CNTNAP5: variants seen among roughly 807,000 people sequenced by gnomAD.
The protein encoded by CNTNAP5 is contactin associated protein family member 5, also known as contactin-associated protein-like 5.
In CNTNAP5, 72 loss-of-function variants were observed where a neutral mutation model predicts 150.2. That is an observed-to-expected ratio of 0.48 (90% CI 0.40 to 0.58). The LOEUF (loss-of-function observed/expected upper bound fraction) is 0.58, where lower values mean the gene tolerates loss of function less well. Ranked by LOEUF, CNTNAP5 falls within the 20% of genes least tolerant of loss-of-function variation. CNTNAP5 has a pLI of 0.00. For synonymous variants in CNTNAP5, 672 were observed against 619.8 expected (o/e 1.08, Z -1.25); for missense variants, 1,636 against 1,626.2 (o/e 1.01, Z -0.10).
intron 3 of CNTNAP5, among the ~76,000 whole-genome samples, chr2:124,388,004 GACATTTCAA>G (rs149156527): frequency 0.013 from 2,021 of 152,262 alleles, 45 homozygotes; most frequent in African/African-American, 0.046. Flanking sequence ...CTAAAGGGGT[GACATTTCAA>G]ACTAGCCACC....
chr2:124,580,903 T>C (rs1696396479), intron 11 of CNTNAP5, among the ~76,000 whole-genome samples: 1 of 152,194 alleles, frequency 6.6e-6, no homozygotes, highest in South Asian at 2.1e-4. Context: ...GGAATCTTTA[T>C]ACAGGGAGTG....
chr2:124,522,012 G>T (rs1694857245), intron 8 of CNTNAP5, among the ~76,000 whole-genome samples: 1 of 152,152 alleles, frequency 6.6e-6, no homozygotes. Flanking sequence ...GGATTGCAGT[G>T]ATCTGGCTTG....
intron 3 of CNTNAP5, among the ~76,000 whole-genome samples, chr2:124,381,492 G>A (rs1338155023): frequency 2.0e-5 from 3 of 152,064 alleles, no homozygotes; most frequent in African/African-American, 7.2e-5. Context: ...AAAGACTGAT[G>A]GGTGATTTCT....
At chr2:124,447,516 T>G (rs867571159) in intron 6 of CNTNAP5, among the ~76,000 whole-genome samples, 2 of 152,130 alleles carry the variant, frequency 1.3e-5, no homozygotes, top group Non-Finnish European at 2.9e-5. Context: ...TTGTTAGTAG[T>G]TCAGTTCAAG....
chr2:124,706,162 C>T (rs1242544551), intron 13 of CNTNAP5, among the ~76,000 whole-genome samples: 1 of 152,056 alleles, frequency 6.6e-6, no homozygotes, highest in African/African-American at 2.4e-5. Context: ...AGGGACTTAC[C>T]CAAAAGACGA....
At position 124,919,331 on chromosome 2, in the gene CNTNAP5, G is replaced by A. The variant is rs1282825458; in HGVS notation, c.*5043G>A. ...TTATTTTATCTTATTTTGCACTAAG[G>A]TACTCTGAGGAAGAACAGAAAAGCA... On this transcript the variant is annotated 3_prime_UTR_variant, in exon 24 of 24. Transcript: ENST00000682447. Among the ~76,000 whole-genome samples the A allele has an allele frequency of 1.3e-5, 2 of 151,978 alleles. No individual in the cohort carries two copies. Among genetic ancestry groups the A allele is most frequent in the African/African-American group, 2.4e-5 (1 of 41,384 alleles).
chr2:124,261,256 A>G (rs1687445739), intron 3 of CNTNAP5, among the ~76,000 whole-genome samples: 1 of 152,142 alleles, frequency 6.6e-6, no homozygotes, highest in African/African-American at 2.4e-5. Flanking sequence ...GATATCTAAA[A>G]ATATAAATAT....
intron 1 of CNTNAP5, among the ~76,000 whole-genome samples, chr2:124,176,939 G>T (rs1685081399): frequency 6.7e-6 from 1 of 149,182 alleles, no homozygotes; most frequent in South Asian, 2.1e-4. Flanking sequence ...CTGCCTCCTG[G>T]GTTCAAGCAA....
chr2:124,865,610 A>T (rs183638474), intron 20 of CNTNAP5, among the ~76,000 whole-genome samples, 174 bp downstream of exon 20: 117 of 152,306 alleles, frequency 7.7e-4, no homozygotes, highest in African/African-American at 2.6e-3. Flanking sequence ...TGTGCTTCCC[A>T]TGTCCCACCA....
intron 1 of CNTNAP5, among the ~76,000 whole-genome samples, chr2:124,135,518 T>A (rs1189212116): frequency 6.6e-6 from 1 of 152,182 alleles, no homozygotes; most frequent in African/African-American, 2.4e-5. Context: ...GAAAAAAAAA[T>A]TAGAAAAGGA....
At position 124,264,394 on chromosome 2, in the gene CNTNAP5, A is replaced by AGG. The variant is rs1220060304; in HGVS notation, c.381+22001_381+22002insGG. ...CACAGGCACACACACACACATACAC[A>AGG]CACACACACACACACACACACACAC... is the stretch of plus-strand genomic sequence containing the variant. On this transcript the variant is annotated intron_variant, in intron 3 of 23. Coordinates refer to ENST00000682447, the MANE Select transcript of CNTNAP5 (RefSeq NM_001367498.1). 1.2e-4 allele frequency among the ~76,000 whole-genome samples: 9 copies of AGG among 74,256 alleles called. No homozygotes were observed. The East Asian group carries it at 3.1e-3, about 25-fold the overall frequency. The allele number at this position is 74,256 out of a possible 152,430, so 48.7% of individuals were successfully genotyped here. A position where few individuals can be genotyped will look rare whatever the true frequency, so the allele number is the denominator to read the frequency against.
At chr2:124,900,937 C>T (rs920130360) in intron 21 of CNTNAP5, among the ~76,000 whole-genome samples, 1 of 151,602 alleles carries the variant, frequency 6.6e-6, no homozygotes, top group Non-Finnish European at 1.5e-5. Context: ...CAGCAAAAAA[C>T]ATCTAGTCCA....
intron 21 of CNTNAP5, among the ~76,000 whole-genome samples, chr2:124,897,721 G>T (rs965747712): frequency 6.6e-6 from 1 of 151,552 alleles, no homozygotes; most frequent in Non-Finnish European, 1.5e-5. Flanking sequence ...AAAGGGTGGA[G>T]GGGGCCTATG....
chr2:124,674,505 CTTTCTCTT>C (rs1280734724), intron 13 of CNTNAP5, among the ~76,000 whole-genome samples: 3 of 106,058 alleles, frequency 2.8e-5, no homozygotes, highest in African/African-American at 6.7e-5. Context: ...TCCTTTCTTT[CTTTCTCTT>C]TCTTTCTTTC....
chr2:124,727,024 A>G (rs558293324), intron 13 of CNTNAP5, among the ~76,000 whole-genome samples: 3 of 152,154 alleles, frequency 2.0e-5, no homozygotes, highest in East Asian at 3.9e-4. Context: ...ATTGCATGAG[A>G]TAAGGGTCCA....
chr2:124,733,552 T>C (rs182982517), intron 13 of CNTNAP5, among the ~76,000 whole-genome samples: 2 of 152,092 alleles, frequency 1.3e-5, no homozygotes, highest in Non-Finnish European at 2.9e-5. Context: ...ATTTTTTTTT[T>C]AATAAAAAAG....
At chr2:124,103,243 G>A (rs12105790) in intron 1 of CNTNAP5, among the ~76,000 whole-genome samples, 65,972 of 151,928 alleles carry the variant, frequency 0.43, 14,414 homozygotes, top group South Asian at 0.47. Flanking sequence ...GCTCAGTGCC[G>A]TTACAAAAGA....
Position 124,297,202 on chromosome 2 carries a change from G to A in CNTNAP5, c.381+54809G>A, listed in dbSNP as rs568840009. Among the ~76,000 whole-genome samples, 23 of 152,260 alleles carry A rather than the reference G, an allele frequency of 1.5e-4. No individual in the cohort carries two copies. In the East Asian group the frequency reaches 3.9e-3, roughly 26 times the overall value. On this transcript the variant is annotated intron_variant, in intron 3 of 23. Transcript: ENST00000682447. ...AAAAGTCCTTTTGGTCCAAACTCAT[G>A]GTATGTTTGATAAAATATTTGCCTC... is the stretch of plus-strand genomic sequence containing the variant.
At chr2:124,165,725 G>T (rs1250361860) in intron 1 of CNTNAP5, among the ~76,000 whole-genome samples, 1 of 152,112 alleles carries the variant, frequency 6.6e-6, no homozygotes, top group Non-Finnish European at 1.5e-5. Flanking sequence ...AAACATGGAG[G>T]GGTAGCATAT....
Sources: gnomAD v4.1 joint callset for allele counts (sites outside exome capture counted in the v4.1 genomes callset) on GRCh38, gnomAD v4.1.1 for gene constraint, MANE v1.5 for transcripts, NCBI Gene and HGNC (gene_info 2026-07-23, HGNC 2026-07-21) for gene names.